Variants in PCDHGA5 observed in about 807,000 individuals in gnomAD.
The protein encoded by PCDHGA5 is protocadherin gamma-A5.
A neutral mutation model predicts 56.7 loss-of-function variants in PCDHGA5; 36 were observed. That is an observed-to-expected ratio of 0.64 (90% CI 0.49 to 0.84). PCDHGA5 has a LOEUF of 0.84. PCDHGA5 is among the 40% of genes least tolerant of loss of function. The pLI is 0.00. For synonymous variants in PCDHGA5, 563 were observed against 520.2 expected (o/e 1.08, Z -1.12); for missense variants, 1,305 against 1,201.5 (o/e 1.09, Z -1.27).
chr5:141,371,790 C>A, intron 1 of PCDHGA5: 1 of 1,613,956 alleles, frequency 6.2e-7, no homozygotes, highest in Middle Eastern at 1.6e-4. Flanking sequence ...TGAGAACAAT[C>A]CGCCTGGAGC....
At chr5:141,430,581 C>A in intron 1 of PCDHGA5, 1 of 483,436 alleles carries the variant, frequency 2.1e-6, no homozygotes, top group Non-Finnish European at 3.4e-6. Context: ...GGAGATCCTG[C>A]TCGCCTTGCA....
chr5:141,390,346 A>C, intron 1 of PCDHGA5: 1 of 1,576,446 alleles, frequency 6.3e-7, no homozygotes, highest in African/African-American at 1.4e-5. Context: ...TCACAAGAAA[A>C]TATACATATT....
chr5:141,489,375 G>T lies in PCDHGA5; in HGVS notation c.2422-5432G>T. 6.2e-7 allele frequency: 1 copy of T among 1,613,826 alleles called. No homozygotes were observed. Among genetic ancestry groups the T allele is most frequent in the Non-Finnish European group, 8.5e-7 (1 of 1,179,724 alleles). On this transcript the variant is annotated intron_variant, in intron 1 of 3. Transcript: ENST00000518069. This position sits in a 1 kb window ranked among gnomAD's most constrained non-coding sequence, Gnocchi z 4.5. ...AGGAGTCTGAGCCGGGGACGCTGGT[G>T]GGGAATGTTGCTCAGGATCTGGGCT...
At chr5:141,370,093 C>T (rs1766669679) in intron 1 of PCDHGA5, among the ~76,000 whole-genome samples, 1 of 152,218 alleles carries the variant, frequency 6.6e-6, no homozygotes, top group South Asian at 2.1e-4. Flanking sequence ...TATCAGTACA[C>T]TGCCGATTTT....
At chr5:141,370,402 A>G (rs541569664) in intron 1 of PCDHGA5, 2 of 1,554,130 alleles carry the variant, frequency 1.3e-6, no homozygotes, top group Non-Finnish European at 8.7e-7. Flanking sequence ...GGGATGGGAA[A>G]TAGCTCCGGA....
rs35224477 is a variant in PCDHGA5, at chr5:141,464,263, TA to T, written c.2422-30530del. On this transcript the variant is annotated intron_variant, in intron 1 of 3. Coordinates refer to ENST00000518069, the MANE Select transcript of PCDHGA5 (RefSeq NM_018918.3). ...CTGGGCTACAGAGCGAGACTCCGTC[TA>T]AAAAAAAAAAAAAGCAAAAAAAAAA... Among the ~76,000 whole-genome samples, 390 of 103,506 alleles carry T rather than the reference TA, an allele frequency of 3.8e-3. 1 individual carries two copies. Among genetic ancestry groups the T allele is most frequent in the Admixed American group, 4.7e-3 (45 of 9,486 alleles). 67.9% of individuals were successfully genotyped at this position (103,506 alleles called of 152,430 possible). A position where few individuals can be genotyped will look rare whatever the true frequency, so the allele number is the denominator to read the frequency against.
At chr5:141,404,914 C>G (rs1423848318) in intron 1 of PCDHGA5, 1 of 1,613,830 alleles carries the variant, frequency 6.2e-7, no homozygotes, top group Non-Finnish European at 8.5e-7. Flanking sequence ...AGCCCCCTCT[C>G]TCGGCCACTG....
intron 1 of PCDHGA5, chr5:141,410,353 C>T: frequency 1.9e-6 from 3 of 1,614,078 alleles, no homozygotes; most frequent in Non-Finnish European, 2.5e-6. Flanking sequence ...GCCTGCGACG[C>T]TCTCTCAGCC....
At position 141,466,670 on chromosome 5, in the gene PCDHGA5, G is replaced by C. The variant is rs994949602; in HGVS notation, c.2422-28137G>C. On this transcript the variant is annotated intron_variant, in intron 1 of 3. Transcript: ENST00000518069. ...TTCACAAAACATCAGTGATTTCACC[G>C]TTCTTCCACTCAAGCTTCATCATAA... Among the ~76,000 whole-genome samples, 3 of 152,046 alleles carry C rather than the reference G, an allele frequency of 2.0e-5. No homozygotes were observed. The South Asian group carries it at 6.2e-4, about 32-fold the overall frequency.
At chr5:141,419,523 G>C in intron 1 of PCDHGA5, 1 of 1,612,204 alleles carries the variant, frequency 6.2e-7, no homozygotes, top group Non-Finnish European at 8.5e-7. Flanking sequence ...GTGGGCGACC[G>C]TAACGACAAC....
At chr5:141,433,358 C>CCTGCCTAT (rs1554125966) in intron 1 of PCDHGA5, 1 of 498,106 alleles carries the variant, frequency 2.0e-6, no homozygotes, top group Non-Finnish European at 3.5e-6. Flanking sequence ...CTACTGTCTG[C>CCTGCCTAT]CTATCTATCT....
chr5:141,500,877 A>ATTT (rs369345007), intron 2 of PCDHGA5, among the ~76,000 whole-genome samples: 1 of 122,288 alleles, frequency 8.2e-6, no homozygotes, highest in Admixed American at 8.0e-5. Context: ...TTCATTTACA[A>ATTT]TTTTTTTTTT....
Position 141,433,059 on chromosome 5 carries a change from A to G in PCDHGA5, c.2422-61748A>G, listed in dbSNP as rs745951077. 1.1e-5 allele frequency: 18 copies of G among 1,614,000 alleles called. No individual in the cohort carries two copies. In the East Asian group the frequency reaches 3.8e-4, roughly 34 times the overall value. On this transcript the variant is annotated intron_variant, in intron 1 of 3. Transcript: ENST00000518069. ...CTCACCACGGACTCGCGGAAGAGTC[A>G]CCTGATCTTCCCCCAGCCCAACTAT...
Position 141,485,436 on chromosome 5 carries a change from A to G in PCDHGA5, c.2422-9371A>G, listed in dbSNP as rs2099613369. On this transcript the variant is annotated intron_variant, in intron 1 of 3. Transcript: ENST00000518069. This position sits in a 1 kb window ranked among gnomAD's most constrained non-coding sequence, Gnocchi z 5.7. ...GACAGCGGAGCCCTGCTCATCAAGA[A>G]CCCAATCGACCGAGAGGCACTGTGT... 1.9e-6 allele frequency: 3 copies of G among 1,614,092 alleles called. No individual in the cohort carries two copies. The highest frequency in any genetic ancestry group is 2.7e-5 in the African/African-American group (2 of 74,934).
At chr5:141,447,082 T>C (rs1259827606) in intron 1 of PCDHGA5, among the ~76,000 whole-genome samples, 3 of 152,156 alleles carry the variant, frequency 2.0e-5, no homozygotes, top group Non-Finnish European at 2.9e-5. Context: ...ATTTTTGTTG[T>C]TTAATTTTCT....
intron 1 of PCDHGA5, chr5:141,405,200 C>T (rs1458944760): frequency 2.5e-6 from 4 of 1,613,508 alleles, no homozygotes; most frequent in Non-Finnish European, 3.4e-6. Flanking sequence ...TCGAGCTTTC[C>T]TACAGACCTA....
Position 141,429,387 on chromosome 5 carries a change from TAAA to T in PCDHGA5, c.2421+62642_2421+62644del, listed in dbSNP as rs11410533. Among the ~76,000 whole-genome samples, 27 of 151,446 alleles carry T rather than the reference TAAA, an allele frequency of 1.8e-4. No homozygotes were observed. In the East Asian group the frequency reaches 1.9e-3, roughly 11 times the overall value. ...AAATGGAGAAAATGTGTTTTTTTTTTAAAAAAAATTGAGATTAAGGTCTCATTA... is the reference window on the plus strand; with the variant it reads ...AAATGGAGAAAATGTGTTTTTTTTTTAAAAATTGAGATTAAGGTCTCATTA... On this transcript the variant is annotated intron_variant, in intron 1 of 3. Coordinates refer to ENST00000518069, the MANE Select transcript of PCDHGA5 (RefSeq NM_018918.3).
rs768354664 is a variant in PCDHGA5 at position 141,485,690 on chromosome 5, A to C, written c.2422-9117A>C. On this transcript the variant is annotated intron_variant, in intron 1 of 3. Coordinates refer to ENST00000518069, the MANE Select transcript of PCDHGA5 (RefSeq NM_018918.3). This position sits in a 1 kb window ranked among gnomAD's most constrained non-coding sequence, Gnocchi z 5.7. ...CAATTCGATTAGCAGCTATAGGCTG[A>C]GCTCCAATGAACACTTTGCACTGGA... 1.6e-5 allele frequency: 26 copies of C among 1,614,106 alleles called. No individual in the cohort carries two copies. In the South Asian group the frequency reaches 2.7e-4, roughly 17 times the overall value.
chr5:141,481,445 T>C (rs760413279), intron 1 of PCDHGA5, among the ~76,000 whole-genome samples: 2 of 152,260 alleles, frequency 1.3e-5, no homozygotes, highest in Non-Finnish European at 2.9e-5. Context: ...GTTTAGTACA[T>C]GTAAATACAC....
Sources: gnomAD v4.1 joint callset for allele counts (sites outside exome capture counted in the v4.1 genomes callset) on GRCh38, gnomAD v4.1.1 for gene constraint, Gnocchi (gnomAD v3.1) non-coding constraint, MANE v1.5 for transcripts, NCBI Gene and HGNC (gene_info 2026-07-23, HGNC 2026-07-21) for gene names.